Variants in PYGB observed in about 807,000 individuals in gnomAD.
The protein encoded by PYGB is glycogen phosphorylase, brain form.
Under a neutral mutation model 94.3 loss-of-function variants are expected in PYGB, and 82 were observed. The ratio of observed to expected loss-of-function variants is 0.87; its 90% CI spans 0.73 to 1.04. PYGB has a LOEUF of 1.04. Among genes scored for constraint, PYGB ranks in the 50% least tolerant of loss-of-function variants. The probability of loss-of-function intolerance (pLI) is 0.00; values close to 1 mark genes in which losing one functional copy is unlikely to be tolerated. For synonymous variants in PYGB, 488 were observed against 479.1 expected (o/e 1.02, Z -0.24); for missense variants, 1,132 against 1,158.2 (o/e 0.98, Z 0.33).
intron 2 of PYGB, among the ~76,000 whole-genome samples, chr20:25,261,058 C>T (rs570792078): frequency 6.6e-6 from 1 of 152,344 alleles, no homozygotes; most frequent in East Asian, 1.9e-4. Context: ...GGGGGCAGGG[C>T]ATAGCTGAAC....
rs2088333620 is a variant in PYGB, at chr20:25,278,370, GCCACGCT to G, written c.911_917del (p.Thr304ArgfsTer18). 1 of 1,613,864 alleles carries G rather than the reference GCCACGCT, an allele frequency of 6.2e-7. No homozygotes were observed. The highest frequency in any genetic ancestry group is 8.5e-7 in the Non-Finnish European group (1 of 1,179,952). ...GAAGCAGGAGTACTTCGTGGTGGCCGCCACGCTCCAGGACATCATCCGCCGCTTCAAG... is the reference window on the plus strand; with the variant it reads ...GAAGCAGGAGTACTTCGTGGTGGCCGCCAGGACATCATCCGCCGCTTCAAG... On this transcript the variant is annotated frameshift_variant, in exon 8 of 20. Transcript: ENST00000216962. LOFTEE classifies it high-confidence loss of function.
intron 1 of PYGB, among the ~76,000 whole-genome samples, chr20:25,254,804 G>C (rs1403111857): frequency 6.6e-6 from 1 of 152,184 alleles, no homozygotes; most frequent in African/African-American, 2.4e-5. Flanking sequence ...TAGACTTTTT[G>C]TGGAGCTTAA....
At chr20:25,270,239 G>A (rs1372871416) in intron 3 of PYGB, among the ~76,000 whole-genome samples, 10 of 139,932 alleles carry the variant, frequency 7.1e-5, no homozygotes, top group Admixed American at 5.5e-4. Flanking sequence ...GTCTCACTCC[G>A]TCGGCCAGGC....
Position 25,282,086 on chromosome 20 carries a change from G to C in PYGB, c.1457G>C (p.Gly486Ala). 6.2e-7 allele frequency: 1 copy of C among 1,613,906 alleles called. No individual in the cohort carries two copies. The highest frequency in any genetic ancestry group is 8.5e-7 in the Non-Finnish European group (1 of 1,179,966). ...EPEKFQNKTN[G>A]ITPRRWLLLC... ...GAGAAGTTCCAGAATAAGACCAATG[G>C]CATCACCCCCCGCCGGTGGCTGCTG... The change falls in exon 12 of 20, where the codon GGC (glycine) becomes GCC (alanine). Residue 486 changes from glycine (G) to alanine (A), a missense_variant. By Grantham distance (60) the Gly-to-Ala change is moderately conservative. Transcript: ENST00000216962.
At chr20:25,263,111 C>A (rs1461015097) in intron 2 of PYGB, among the ~76,000 whole-genome samples, 2 of 152,116 alleles carry the variant, frequency 1.3e-5, no homozygotes, top group Admixed American at 1.3e-4. Flanking sequence ...CTGCACCAAG[C>A]GGACCTAATA....
intron 1 of PYGB, among the ~76,000 whole-genome samples, chr20:25,250,143 C>T (rs561417021): frequency 1.3e-5 from 2 of 152,204 alleles, no homozygotes; most frequent in Non-Finnish European, 2.9e-5. Flanking sequence ...GCCAACGCAC[C>T]CGACCCGCAA....
At chr20:25,279,444 T>C (rs374768387) in intron 9 of PYGB, among the ~76,000 whole-genome samples, 3 of 152,116 alleles carry the variant, frequency 2.0e-5, no homozygotes, top group East Asian at 3.9e-4. Flanking sequence ...CCCCAAAGCG[T>C]TAAGTGTTTA....
chr20:25,269,282 C>T, intron 3 of PYGB, 75 bp downstream of exon 3: 2 of 1,266,442 alleles, frequency 1.6e-6, no homozygotes, highest in Non-Finnish European at 2.2e-6. Context: ...AGGCCAGGGT[C>T]AGGTAAATTG....
At chr20:25,276,127 C>T (rs2088308753) in intron 5 of PYGB, among the ~76,000 whole-genome samples, 1 of 152,076 alleles carries the variant, frequency 6.6e-6, no homozygotes, top group Non-Finnish European at 1.5e-5. Context: ...GGGAGCGCAG[C>T]TGGGCTTGTG....
intron 4 of PYGB, among the ~76,000 whole-genome samples, chr20:25,273,046 G>A (rs1340442065): frequency 6.6e-6 from 1 of 152,240 alleles, no homozygotes; most frequent in African/African-American, 2.4e-5. Context: ...CCCTTTTCAT[G>A]GGAACTGTTC....
At chr20:25,287,939 C>T (rs2088431814) in intron 14 of PYGB, among the ~76,000 whole-genome samples, 1 of 152,146 alleles carries the variant, frequency 6.6e-6, no homozygotes, top group African/African-American at 2.4e-5. Flanking sequence ...TACGCTTACA[C>T]CACCGCACTC....
At chr20:25,258,051 G>A (rs1451417039) in intron 1 of PYGB, among the ~76,000 whole-genome samples, 1 of 152,174 alleles carries the variant, frequency 6.6e-6, no homozygotes, top group African/African-American at 2.4e-5. Context: ...TGACGTAAAG[G>A]ACTTTGGAAT....
intron 1 of PYGB, among the ~76,000 whole-genome samples, chr20:25,253,281 A>G (rs2092893371): frequency 1.3e-5 from 2 of 152,122 alleles, no homozygotes; most frequent in African/African-American, 4.8e-5. Context: ...AATTTCTTAA[A>G]TCTGTCTCTC....
intron 16 of PYGB, 108 bp downstream of exon 16, chr20:25,290,730 C>G (rs560481796): frequency 2.5e-5 from 36 of 1,464,548 alleles, no homozygotes; most frequent in East Asian, 6.9e-5. Context: ...TGCCTGGACA[C>G]CCAGACCTAG....
chr20:25,294,482 C>T (rs952610347), intron 18 of PYGB, among the ~76,000 whole-genome samples, 190 bp downstream of exon 18: 1 of 152,264 alleles, frequency 6.6e-6, no homozygotes, highest in Non-Finnish European at 1.5e-5. Flanking sequence ...TGGCCTCTGG[C>T]AATGCCAGGG....
intron 9 of PYGB, among the ~76,000 whole-genome samples, chr20:25,279,864 G>A (rs1478900483): frequency 1.3e-5 from 2 of 152,212 alleles, no homozygotes; most frequent in Non-Finnish European, 2.9e-5. Flanking sequence ...GTTCTGGCCA[G>A]CATAGGGCAG....
intron 9 of PYGB, among the ~76,000 whole-genome samples, chr20:25,279,492 T>A (rs1450259274): frequency 6.6e-6 from 1 of 152,188 alleles, no homozygotes; most frequent in Admixed American, 6.6e-5. Flanking sequence ...CCCTCGCGAT[T>A]CAGTGTATTT....
At chr20:25,275,005 G>A (rs1315559371) in intron 5 of PYGB, among the ~76,000 whole-genome samples, 1 of 120,748 alleles carries the variant, frequency 8.3e-6, no homozygotes, top group Admixed American at 7.5e-5. Flanking sequence ...GCAGCTGGGC[G>A]TCCACTCACA....
intron 5 of PYGB, 142 bp from the exon 6 acceptor site, chr20:25,276,504 G>A: frequency 1.5e-6 from 1 of 657,992 alleles, no homozygotes; most frequent in African/African-American, 1.8e-5. Flanking sequence ...CATGGGCTGG[G>A]TGGATGTGTT....
Sources: allele counts gnomAD v4.1 joint callset (sites outside exome capture counted in the v4.1 genomes callset), GRCh38; gene constraint gnomAD v4.1.1; transcripts MANE v1.5; gene names NCBI Gene and HGNC (gene_info 2026-07-23, HGNC 2026-07-21).